KLHL14: variants seen among roughly 807,000 people sequenced by gnomAD.
The protein encoded by KLHL14 is kelch like family member 14, also known as kelch-like protein 14.
Under a neutral mutation model 64.3 loss-of-function variants are expected in KLHL14, and 22 were observed. The ratio of observed to expected loss-of-function variants is 0.34; its 90% CI spans 0.24 to 0.49. The LOEUF (loss-of-function observed/expected upper bound fraction) is 0.49, where lower values mean the gene tolerates loss of function less well. KLHL14 is among the 20% of genes least tolerant of loss of function. The probability of loss-of-function intolerance (pLI) is 0.99; values close to 1 mark genes in which losing one functional copy is unlikely to be tolerated. For missense variants in KLHL14, 661 were observed against 789.0 expected (o/e 0.84, Z 1.94); for synonymous variants, 322 against 333.4 (o/e 0.97, Z 0.37).
intron 3 of KLHL14, chr18:32,738,028 A>T (rs1431633508): frequency 6.6e-6 from 1 of 152,172 alleles, no homozygotes; most frequent in East Asian, 1.9e-4. Context: ...AAAGGCAACA[A>T]AGAAGCATCT....
chr18:32,725,477 CTGT>C (rs1174175043), intron 3 of KLHL14, among the ~76,000 whole-genome samples: 1 of 152,170 alleles, frequency 6.6e-6, no homozygotes, highest in Non-Finnish European at 1.5e-5. Flanking sequence ...CTTTGAAAGG[CTGT>C]TGTTGTCTCA....
intron 1 of KLHL14, chr18:32,771,030 C>T: frequency 2.8e-6 from 1 of 354,646 alleles, no homozygotes; most frequent in Non-Finnish European, 5.7e-6. Context: ...CATGCCGGGC[C>T]AGATGAAGGG....
At chr18:32,763,949 T>C (rs1486106374) in intron 2 of KLHL14, among the ~76,000 whole-genome samples, 1 of 152,084 alleles carries the variant, frequency 6.6e-6, no homozygotes, top group Non-Finnish European at 1.5e-5. Context: ...TCTCCAGAGG[T>C]TGTTCACTTT....
chr18:32,680,026 G>A lies in KLHL14; in HGVS notation c.1588+143C>T. ...AAATAAATGCTTGCTCAAGGGTACT[G>A]CCAATTTACACAGAGTAGATTTTAT... On this transcript the variant is annotated intron_variant, in intron 7 of 8. Transcript: ENST00000359358. This position sits in a 1 kb window ranked among gnomAD's most constrained non-coding sequence, Gnocchi z 4.8. 1 of 803,530 alleles carries A rather than the reference G, an allele frequency of 1.2e-6. No homozygotes were observed. The allele number at this position is 803,530 out of a possible 1,614,324, so 49.8% of individuals were successfully genotyped here.
intron 2 of KLHL14, among the ~76,000 whole-genome samples, chr18:32,750,664 G>T (rs890017738): frequency 6.6e-6 from 1 of 152,104 alleles, no homozygotes; most frequent in East Asian, 1.9e-4. Flanking sequence ...TCAAGTCACC[G>T]AATTTCATGG....
At chr18:32,687,014 T>A in intron 5 of KLHL14, 141 bp downstream of exon 5, 2 of 648,202 alleles carry the variant, frequency 3.1e-6, no homozygotes, top group Non-Finnish European at 5.5e-6. Flanking sequence ...TCATGTAAAC[T>A]GGCTAGGCCA....
chr18:32,719,805 T>C (rs924475242), intron 3 of KLHL14, among the ~76,000 whole-genome samples: 2 of 152,194 alleles, frequency 1.3e-5, no homozygotes, highest in African/African-American at 4.8e-5. Context: ...ACAGAGGAGA[T>C]AGCAAGCATT....
In KLHL14 at chr18:32,760,134, A is replaced by G. The variant is rs147692088; in HGVS notation, c.947+9511T>C. Among the ~76,000 whole-genome samples the G allele has an allele frequency of 5.5e-3, 841 of 152,270 alleles. 5 individuals carry two copies. Among genetic ancestry groups the G allele is most frequent in the African/African-American group, 0.019 (783 of 41,538 alleles). On this transcript the variant is annotated intron_variant, in intron 2 of 8. Transcript: ENST00000359358. ...GTTCTAAGAAGTATTTACAAATATG[A>G]CTATTTTCTTTCTGGTGACAAATTG... is the stretch of plus-strand genomic sequence containing the variant.
At chr18:32,721,019 G>A (rs1255158403) in intron 3 of KLHL14, among the ~76,000 whole-genome samples, 1 of 152,158 alleles carries the variant, frequency 6.6e-6, no homozygotes, top group Non-Finnish European at 1.5e-5. Flanking sequence ...TGGAAATATG[G>A]GAGAATAATG....
At position 32,698,465 on chromosome 18, in the gene KLHL14, G is replaced by T. The variant is rs182871977; in HGVS notation, c.1070-2913C>A. On this transcript the variant is annotated intron_variant, in intron 3 of 8. Coordinates refer to ENST00000359358, the MANE Select transcript of KLHL14 (RefSeq NM_020805.3). ...ATCAGCCACTGTGAAAGTGACAGTGGAGATGAATGATGGAGACAGACAGGT... is the reference window on the plus strand; with the variant it reads ...ATCAGCCACTGTGAAAGTGACAGTGTAGATGAATGATGGAGACAGACAGGT... Among the ~76,000 whole-genome samples, 17 of 152,292 alleles carry T rather than the reference G, an allele frequency of 1.1e-4. No individual in the cohort carries two copies. In the South Asian group the frequency reaches 3.3e-3, roughly 30 times the overall value.
At chr18:32,718,188 T>C (rs2050055881) in intron 3 of KLHL14, among the ~76,000 whole-genome samples, 4 of 152,244 alleles carry the variant, frequency 2.6e-5, no homozygotes, top group Admixed American at 2.6e-4. Context: ...GTTATTTCTC[T>C]GCTCAAAGAT....
chr18:32,732,549 C>A (rs1294300621), intron 3 of KLHL14, among the ~76,000 whole-genome samples: 5 of 152,144 alleles, frequency 3.3e-5, no homozygotes, highest in Non-Finnish European at 7.4e-5. Flanking sequence ...TGCTGATACG[C>A]CATGTTATTC....
At chr18:32,710,462 C>T (rs1016085386) in intron 3 of KLHL14, among the ~76,000 whole-genome samples, 2 of 152,108 alleles carry the variant, frequency 1.3e-5, no homozygotes, top group South Asian at 2.1e-4. Flanking sequence ...CACTTACTAG[C>T]TAACAACTGA....
chr18:32,698,101 T>C (rs746210026), intron 3 of KLHL14, among the ~76,000 whole-genome samples: 5 of 152,228 alleles, frequency 3.3e-5, no homozygotes, highest in Non-Finnish European at 7.3e-5. Flanking sequence ...GCAAAAGACC[T>C]AATTTCTTTG....
intron 2 of KLHL14, among the ~76,000 whole-genome samples, chr18:32,760,223 A>G (rs1002208525): frequency 1.3e-5 from 2 of 152,104 alleles, no homozygotes; most frequent in African/African-American, 4.8e-5. Flanking sequence ...TCCCACCCTG[A>G]CCCTGACATT....
rs755520716 is a variant in KLHL14, at chr18:32,742,097, T to A, written c.948-48A>T. 4 of 1,572,422 alleles carry A rather than the reference T, an allele frequency of 2.5e-6. No individual in the cohort carries two copies. The East Asian group carries it at 6.8e-5, about 27-fold the overall frequency. ...GATGAATAACCACATTACTGTAGAG[T>A]CTTTTTAGTGGCAACGAAATCATAA... On this transcript the variant is annotated intron_variant, in intron 2 of 8. Transcript: ENST00000359358.
intron 3 of KLHL14, among the ~76,000 whole-genome samples, chr18:32,710,891 G>A (rs926288991): frequency 6.6e-6 from 1 of 151,992 alleles, no homozygotes; most frequent in Non-Finnish European, 1.5e-5. Flanking sequence ...CTGGCGTGTA[G>A]TGGAGGTGTA....
At chr18:32,700,678 C>T (rs938962383) in intron 3 of KLHL14, among the ~76,000 whole-genome samples, 6 of 152,036 alleles carry the variant, frequency 3.9e-5, no homozygotes, top group African/African-American at 7.3e-5. Flanking sequence ...CTGGGGAGGT[C>T]GTGGTAAGCA....
At chr18:32,718,968 G>A (rs2144507782) in intron 3 of KLHL14, among the ~76,000 whole-genome samples, 1 of 151,196 alleles carries the variant, frequency 6.6e-6, no homozygotes, top group East Asian at 1.9e-4. Context: ...TTTTTTTTGA[G>A]ACAGAGTTTC....
Sources: gnomAD v4.1 joint callset for allele counts (sites outside exome capture counted in the v4.1 genomes callset) on GRCh38, gnomAD v4.1.1 for gene constraint, Gnocchi (gnomAD v3.1) non-coding constraint, MANE v1.5 for transcripts, NCBI Gene and HGNC (gene_info 2026-07-23, HGNC 2026-07-21) for gene names.